Variants in PDE4B observed in about 807,000 individuals in gnomAD.
PDE4B encodes the protein phosphodiesterase 4B, also known as 3',5'-cyclic-AMP phosphodiesterase 4B.
A neutral mutation model predicts 82.2 loss-of-function variants in PDE4B; 20 were observed. The ratio of observed to expected loss-of-function variants is 0.24; its 90% CI spans 0.17 to 0.35. The LOEUF (loss-of-function observed/expected upper bound fraction) is 0.35. Among genes scored for constraint, PDE4B ranks in the 10% least tolerant of loss-of-function variants. PDE4B has a pLI of 1.00. For synonymous variants in PDE4B, 320 were observed against 318.9 expected, an observed-to-expected ratio of 1.00 and a Z score of -0.04; for missense variants, 655 against 907.2, an observed-to-expected ratio of 0.72 and a Z score of 3.57.
Position 65,974,205 on chromosome 1 carries a change from C to T in PDE4B, c.281+55370C>T, listed in dbSNP as rs139763506. ...TTAGAGATTTCCTCCTTACATGTGG[C>T]GATAATAAAGTACTTTTAATAAACT... On this transcript the variant is annotated intron_variant, in intron 3 of 16. Coordinates refer to ENST00000341517, the MANE Select transcript of PDE4B (RefSeq NM_002600.4). Among the ~76,000 whole-genome samples the T allele has an allele frequency of 1.1e-4, 17 of 152,066 alleles. No homozygotes were observed. The South Asian group carries it at 2.1e-3, about 19-fold the overall frequency.
At chr1:65,933,785 G>C (rs1647972322) in intron 3 of PDE4B, among the ~76,000 whole-genome samples, 1 of 152,166 alleles carries the variant, frequency 6.6e-6, no homozygotes, top group African/African-American at 2.4e-5. Flanking sequence ...GCACAAGAAA[G>C]TGAAACTTGG....
At chr1:66,036,556 C>T (rs1654074179) in intron 3 of PDE4B, among the ~76,000 whole-genome samples, 1 of 152,148 alleles carries the variant, frequency 6.6e-6, no homozygotes, top group Non-Finnish European at 1.5e-5. Context: ...GTTTTCTCAA[C>T]AGCATTTATT....
chr1:66,022,568 G>T (rs1039469446), intron 3 of PDE4B, among the ~76,000 whole-genome samples: 1 of 152,124 alleles, frequency 6.6e-6, no homozygotes, highest in African/African-American at 2.4e-5. Context: ...TGATAATCAT[G>T]TGGTTTTTGT....
chr1:65,921,042 C>T (rs1647231868), intron 3 of PDE4B, among the ~76,000 whole-genome samples: 1 of 136,058 alleles, frequency 7.3e-6, no homozygotes, highest in African/African-American at 2.7e-5. Context: ...GATCTCGGCT[C>T]ACTGCAAGCT....
chr1:65,905,582 G>C (rs1647020178), intron 1 of PDE4B, among the ~76,000 whole-genome samples: 1 of 152,128 alleles, frequency 6.6e-6, no homozygotes, highest in Non-Finnish European at 1.5e-5. Flanking sequence ...AGAATGCAAA[G>C]CTGGGGATTA....
In PDE4B at chr1:66,337,217, T is replaced by G. The variant is rs150466759; in HGVS notation, c.747+4597T>G. ...CCGCCCTTAGCATAAGATGCATCCA[T>G]TTGCTGGGCCCTGTGCTGTAATCAG... On this transcript the variant is annotated intron_variant, in intron 8 of 16. Coordinates refer to ENST00000341517, the MANE Select transcript of PDE4B (RefSeq NM_002600.4). 7.2e-4 allele frequency among the ~76,000 whole-genome samples: 110 copies of G among 152,292 alleles called. No individual in the cohort carries two copies. In the Middle Eastern group the frequency reaches 0.01, roughly 14 times the overall value.
In PDE4B at chr1:66,171,554, G is replaced by A. The variant is rs547785885; in HGVS notation, c.282-75906G>A. On this transcript the variant is annotated intron_variant, in intron 3 of 16. Coordinates refer to ENST00000341517, the MANE Select transcript of PDE4B (RefSeq NM_002600.4). Reference sequence around the variant, plus strand: ...ACAAAACTCTTTTTGGAGGTGAAGTGCCTATTAATATCTCAGTGGACCTCT... The same window carrying A: ...ACAAAACTCTTTTTGGAGGTGAAGTACCTATTAATATCTCAGTGGACCTCT... Among the ~76,000 whole-genome samples, 6 of 152,212 alleles carry A rather than the reference G, an allele frequency of 3.9e-5. No homozygotes were observed. In the South Asian group the frequency reaches 1.0e-3, roughly 26 times the overall value.
chr1:66,097,634 T>G (rs1645142502), intron 3 of PDE4B, among the ~76,000 whole-genome samples: 1 of 152,044 alleles, frequency 6.6e-6, no homozygotes, highest in Non-Finnish European at 1.5e-5. Context: ...CTCTTGGTTA[T>G]AGCCTATACT....
At chr1:66,027,514 C>A (rs1041328758) in intron 3 of PDE4B, among the ~76,000 whole-genome samples, 2 of 152,156 alleles carry the variant, frequency 1.3e-5, no homozygotes, top group African/African-American at 4.8e-5. Flanking sequence ...ACCAAACATG[C>A]CTTCCCAACA....
At chr1:66,120,170 T>G (rs1262409651) in intron 3 of PDE4B, among the ~76,000 whole-genome samples, 1 of 152,224 alleles carries the variant, frequency 6.6e-6, no homozygotes, top group Non-Finnish European at 1.5e-5. Flanking sequence ...TGTCAGCTCC[T>G]TGTTTCCAAA....
At chr1:65,901,869 T>A (rs1646975294) in intron 1 of PDE4B, among the ~76,000 whole-genome samples, 1 of 152,104 alleles carries the variant, frequency 6.6e-6, no homozygotes, top group South Asian at 2.1e-4. Context: ...TTCTAGTCCC[T>A]CTAGGTGTCA....
At chr1:65,939,061 G>T (rs1648305388) in intron 3 of PDE4B, among the ~76,000 whole-genome samples, 5 of 152,148 alleles carry the variant, frequency 3.3e-5, no homozygotes, top group Admixed American at 3.3e-4. Flanking sequence ...AGGAGGACAT[G>T]TGCCAGACAC....
chr1:65,845,998 G>T (rs1404766516), intron 1 of PDE4B, among the ~76,000 whole-genome samples: 2 of 152,114 alleles, frequency 1.3e-5, no homozygotes, highest in Non-Finnish European at 2.9e-5. Flanking sequence ...CCTCCTCCGT[G>T]GGCTTTTCCT....
chr1:65,833,372 G>A (rs77720664), intron 1 of PDE4B, among the ~76,000 whole-genome samples: 2,688 of 152,256 alleles, frequency 0.018, 82 homozygotes, highest in African/African-American at 0.062. Flanking sequence ...ACTTTAAGGC[G>A]TCTGAGGTCC....
chr1:65,886,975 A>G (rs1646784911), intron 1 of PDE4B, among the ~76,000 whole-genome samples: 1 of 152,138 alleles, frequency 6.6e-6, no homozygotes, highest in Non-Finnish European at 1.5e-5. Context: ...TTACTAATTT[A>G]CATTCCCACC....
At chr1:66,289,742 G>T (rs1656936833) in intron 7 of PDE4B, among the ~76,000 whole-genome samples, 1 of 151,870 alleles carries the variant, frequency 6.6e-6, no homozygotes, top group Non-Finnish European at 1.5e-5. Context: ...ATGTAACTCA[G>T]ATTTCAATGT....
intron 1 of PDE4B, 43 bp from the exon 2 acceptor site, chr1:65,913,201 AG>A: frequency 1.3e-6 from 1 of 768,368 alleles, no homozygotes; most frequent in Non-Finnish European, 2.2e-6. Context: ...TTTTTCTTTA[AG>A]GATACAGAGC....
intron 1 of PDE4B, among the ~76,000 whole-genome samples, chr1:65,894,329 G>T (rs187167761): frequency 1.3e-5 from 2 of 151,984 alleles, no homozygotes; most frequent in African/African-American, 4.8e-5. Flanking sequence ...ATTAATGTTG[G>T]ATGTTATATG....
chr1:66,210,612 A>AG (rs912268625), intron 3 of PDE4B, among the ~76,000 whole-genome samples: 1 of 150,682 alleles, frequency 6.6e-6, no homozygotes, highest in African/African-American at 2.4e-5. Context: ...AAAAAAAAAA[A>AG]AAAAAAAGAA....
Sources: gnomAD v4.1 joint callset for allele counts (sites outside exome capture counted in the v4.1 genomes callset) on GRCh38, gnomAD v4.1.1 for gene constraint, MANE v1.5 for transcripts, NCBI Gene and HGNC (gene_info 2026-07-23, HGNC 2026-07-21) for gene names.